ECT2L: variants seen among roughly 807,000 people sequenced by gnomAD.
ECT2L encodes the protein epithelial cell transforming 2 like.
Under a neutral mutation model 122.8 loss-of-function variants are expected in ECT2L, and 126 were observed. The ratio of observed to expected loss-of-function variants is 1.03; its 90% CI spans 0.89 to 1.19. ECT2L has a LOEUF of 1.19. Ranked by LOEUF, ECT2L falls within the 50% of genes most tolerant of loss-of-function variation. ECT2L has a pLI of 0.00. For missense variants in ECT2L, 1,012 were observed against 1,064.1 expected, an observed-to-expected ratio of 0.95 and a Z score of 0.68; for synonymous variants, 385 against 381.8, an observed-to-expected ratio of 1.01 and a Z score of -0.10.
intron 4 of ECT2L, among the ~76,000 whole-genome samples, chr6:138,819,400 C>T (rs184922554): frequency 5.9e-4 from 89 of 152,110 alleles, no homozygotes; most frequent in African/African-American, 2.1e-3. Flanking sequence ...TGTGGAGCTG[C>T]TCTCCCCTCC....
At chr6:138,900,034 C>T (rs1012539794) in intron 20 of ECT2L, among the ~76,000 whole-genome samples, 1 of 152,194 alleles carries the variant, frequency 6.6e-6, no homozygotes, top group Non-Finnish European at 1.5e-5. Flanking sequence ...GATAAATATG[C>T]CTACAGTTGA....
At position 138,882,817 on chromosome 6, in the gene ECT2L, C is replaced by T. The variant is rs1486598575; in HGVS notation, c.1974C>T (p.Asn658=). ...TCACGAAGTTTGGAAGCCAGTTAAA[C>T]ACATATACCAATTTCTTCAACAATT... The part of the protein sequence containing the change: ...EIVTKFGSQL[N]TYTNFFNNYP... Residue 658 remains asparagine, a synonymous_variant, in exon 16 of 22, where the codon AAC becomes AAT. Coordinates refer to ENST00000541398, the MANE Select transcript of ECT2L (RefSeq NM_001077706.3). 19 of 1,614,060 alleles carry T rather than the reference C, an allele frequency of 1.2e-5. No individual in the cohort carries two copies. Among genetic ancestry groups the T allele is most frequent in the Non-Finnish European group, 1.6e-5 (19 of 1,180,028 alleles).
Position 138,844,479 on chromosome 6 carries a change from A to T in ECT2L, c.663A>T (p.Arg221Ser). 3 of 1,614,198 alleles carry T rather than the reference A, an allele frequency of 1.9e-6. No homozygotes were observed. The highest frequency in any genetic ancestry group is 2.5e-6 in the Non-Finnish European group (3 of 1,180,036). The change falls in exon 7 of 22, where the codon AGA becomes AGT. Residue 221 changes from arginine to serine, a missense_variant. By Grantham distance (110) the Arg-to-Ser change is moderately radical (BLOSUM62 -1). Coordinates refer to ENST00000541398, the MANE Select transcript of ECT2L (RefSeq NM_001077706.3). ...GCTGCTCTAGCGTGCTAAAGCCCAGATGCCAACCACGCCTCTCCCAGACTG... is the reference window on the plus strand; with the variant it reads ...GCTGCTCTAGCGTGCTAAAGCCCAGTTGCCAACCACGCCTCTCCCAGACTG... ...GTCCSSVLKP[R>S]CQPRLSQTVR...
In ECT2L at chr6:138,810,955, GGGAAA is replaced by G. The variant is rs567343488; in HGVS notation, c.-243-1873_-243-1869del. Among the ~76,000 whole-genome samples the G allele has an allele frequency of 2.3e-3, 355 of 152,286 alleles. 1 individual carries two copies. Among genetic ancestry groups the G allele is most frequent in the Middle Eastern group, 0.014 (4 of 294 alleles). ...GTGTGAGTGAGTGTGTTCTGCATAT[GGGAAA>G]GGAAAGGAACTGTCCCAAAGGGTAA... On this transcript the variant is annotated intron_variant, in intron 1 of 21. Coordinates refer to ENST00000541398, the MANE Select transcript of ECT2L (RefSeq NM_001077706.3).
intron 4 of ECT2L, among the ~76,000 whole-genome samples, chr6:138,815,114 C>T (rs1454661952): frequency 6.6e-6 from 1 of 152,078 alleles, no homozygotes; most frequent in Non-Finnish European, 1.5e-5. Context: ...CTGTAATTTA[C>T]TTTAAAACAC....
At chr6:138,890,305 A>T (rs1582664553) in intron 20 of ECT2L, among the ~76,000 whole-genome samples, 1 of 152,162 alleles carries the variant, frequency 6.6e-6, no homozygotes, top group Admixed American at 6.5e-5. Context: ...CAATAAATGT[A>T]ATAAAAATTG....
At chr6:138,838,975 T>G (rs1776944429) in intron 5 of ECT2L, among the ~76,000 whole-genome samples, 1 of 152,014 alleles carries the variant, frequency 6.6e-6, no homozygotes, top group Non-Finnish European at 1.5e-5. Context: ...AGAGACGGGG[T>G]TTTACCATGT....
At chr6:138,886,408 A>AT (rs58482102) in intron 18 of ECT2L, among the ~76,000 whole-genome samples, 3 of 150,812 alleles carry the variant, frequency 2.0e-5, no homozygotes, top group East Asian at 1.9e-4. Flanking sequence ...GAAAATTGAA[A>AT]TTTTTTTTTT....
chr6:138,897,981 T>A (rs1779273085), intron 20 of ECT2L, among the ~76,000 whole-genome samples: 1 of 152,168 alleles, frequency 6.6e-6, no homozygotes, highest in Non-Finnish European at 1.5e-5. Flanking sequence ...ATAATTCGGA[T>A]ACAGCAGTTT....
intron 4 of ECT2L, among the ~76,000 whole-genome samples, chr6:138,837,418 A>G (rs1181029750): frequency 6.6e-6 from 1 of 152,274 alleles, no homozygotes; most frequent in East Asian, 1.9e-4. Context: ...AGGCTGAGCA[A>G]ACCCTGTTAC....
At position 138,879,134 on chromosome 6, in the gene ECT2L, G is replaced by A. The variant is rs559152110; in HGVS notation, c.1666-1823G>A. The A allele has an allele frequency of 1.7e-4, 37 of 216,874 alleles. No homozygotes were observed. The East Asian group carries it at 5.2e-3, about 30-fold the overall frequency. 13.4% of individuals were successfully genotyped at this position (216,874 alleles called of 1,614,324 possible). A position where few individuals can be genotyped will look rare whatever the true frequency, so the allele number is the denominator to read the frequency against. On this transcript the variant is annotated intron_variant, in intron 14 of 21. Coordinates refer to ENST00000541398, the MANE Select transcript of ECT2L (RefSeq NM_001077706.3). Reference sequence around the variant, plus strand: ...TGCAGGTGTGTCTGTTTCATTGATTGGCCATCTGACAAATTGGAATCTGAT... The same window carrying A: ...TGCAGGTGTGTCTGTTTCATTGATTAGCCATCTGACAAATTGGAATCTGAT...
intron 5 of ECT2L, among the ~76,000 whole-genome samples, chr6:138,842,665 T>G (rs1405756688): frequency 6.9e-6 from 1 of 145,292 alleles, no homozygotes; most frequent in Non-Finnish European, 1.5e-5. Context: ...CCAGCTACTC[T>G]GGAGGCTGAG....
intron 19 of ECT2L, among the ~76,000 whole-genome samples, chr6:138,887,266 G>A (rs1297311638): frequency 6.8e-6 from 1 of 146,346 alleles, no homozygotes; most frequent in Non-Finnish European, 1.5e-5. Flanking sequence ...TCACACTGTC[G>A]CCCAGGCTGG....
At chr6:138,875,999 AAGCCTGCTACTC>A (rs1231189058) in intron 13 of ECT2L, among the ~76,000 whole-genome samples, 1 of 152,104 alleles carries the variant, frequency 6.6e-6, no homozygotes, top group African/African-American at 2.4e-5. Context: ...TGGGCCCTGT[AAGCCTGCTACTC>A]AGGAGGCTGA....
intron 20 of ECT2L, among the ~76,000 whole-genome samples, chr6:138,892,318 T>C (rs1477467245): frequency 1.3e-5 from 2 of 152,210 alleles, no homozygotes; most frequent in Non-Finnish European, 2.9e-5. Flanking sequence ...AGTTTTGGTC[T>C]CTCTTCTTAC....
intron 4 of ECT2L, among the ~76,000 whole-genome samples, chr6:138,833,969 C>T (rs1194714870): frequency 2.6e-5 from 4 of 151,964 alleles, no homozygotes; most frequent in African/African-American, 9.7e-5. Flanking sequence ...CTGCCAAATC[C>T]ACTCTCCCCT....
chr6:138,897,533 C>T (rs762962872), intron 20 of ECT2L, among the ~76,000 whole-genome samples: 5 of 151,986 alleles, frequency 3.3e-5, no homozygotes, highest in Non-Finnish European at 7.4e-5. Context: ...TCTGCTTTTG[C>T]GTATTTAGTT....
chr6:138,821,123 C>T (rs1282925556), intron 4 of ECT2L, among the ~76,000 whole-genome samples: 2 of 152,272 alleles, frequency 1.3e-5, no homozygotes, highest in Non-Finnish European at 2.9e-5. Context: ...ACACAGACCA[C>T]ATGAGCTGTC....
intron 1 of ECT2L, among the ~76,000 whole-genome samples, chr6:138,811,492 A>G (rs549503959): frequency 1.1e-3 from 165 of 152,288 alleles, no homozygotes; most frequent in Admixed American, 1.8e-3. Flanking sequence ...ATTTGCAGAT[A>G]GTGCCTATAA....
Sources: gnomAD v4.1 joint callset for allele counts (sites outside exome capture counted in the v4.1 genomes callset) on GRCh38, gnomAD v4.1.1 for gene constraint, MANE v1.5 for transcripts, NCBI Gene and HGNC (gene_info 2026-07-23, HGNC 2026-07-21) for gene names.